Variants in SLC35F1 observed in about 807,000 individuals in gnomAD.
SLC35F1 encodes chromosome 6 open reading frame 169.
SLC35F1 carries 14 observed loss-of-function variants against 48.7 expected under a neutral mutation model. The ratio of observed to expected loss-of-function variants is 0.29; its 90% CI spans 0.19 to 0.45. The LOEUF is 0.45. SLC35F1 is among the 20% of genes least tolerant of loss of function. The pLI is 1.00. For synonymous variants in SLC35F1, 190 were observed against 202.2 expected (o/e 0.94, Z 0.51); for missense variants, 404 against 500.0 (o/e 0.81, Z 1.83).
chr6:118,001,238 G>C (rs1777089479), intron 1 of SLC35F1, among the ~76,000 whole-genome samples: 1 of 152,174 alleles, frequency 6.6e-6, no homozygotes, highest in Admixed American at 6.5e-5. Context: ...CATGGTACTT[G>C]TTTCAAAATA....
At chr6:118,283,512 G>T (rs958917685) in intron 6 of SLC35F1, among the ~76,000 whole-genome samples, 3 of 152,136 alleles carry the variant, frequency 2.0e-5, no homozygotes, top group African/African-American at 7.2e-5. Context: ...CACGCAAAAT[G>T]ATGGAAGGGT....
intron 1 of SLC35F1, among the ~76,000 whole-genome samples, chr6:118,084,514 C>T (rs949300757): frequency 2.0e-5 from 3 of 152,120 alleles, no homozygotes; most frequent in Non-Finnish European, 2.9e-5. Context: ...AATTTCAACA[C>T]ATTATTTGCC....
chr6:118,117,253 A>G (rs780047865), intron 1 of SLC35F1, among the ~76,000 whole-genome samples: 3 of 152,108 alleles, frequency 2.0e-5, no homozygotes, highest in Non-Finnish European at 4.4e-5. Context: ...CTGTACATGT[A>G]TTTTCTAAAG....
intron 6 of SLC35F1, among the ~76,000 whole-genome samples, chr6:118,280,595 T>C (rs528286804): frequency 2.0e-5 from 3 of 152,098 alleles, no homozygotes; most frequent in South Asian, 2.1e-4. Context: ...ACACCTTTCC[T>C]GGCCAGGTGC....
chr6:118,251,820 A>T (rs918351954), intron 3 of SLC35F1, among the ~76,000 whole-genome samples: 1 of 152,164 alleles, frequency 6.6e-6, no homozygotes, highest in African/African-American at 2.4e-5. Flanking sequence ...TATTATATAC[A>T]CTTTCCCATG....
intron 1 of SLC35F1, among the ~76,000 whole-genome samples, chr6:117,992,014 G>A (rs1562257645): frequency 6.6e-6 from 1 of 151,522 alleles, no homozygotes; most frequent in Non-Finnish European, 1.5e-5. Flanking sequence ...TTAATGTTAT[G>A]GCATATTTGA....
intron 1 of SLC35F1, among the ~76,000 whole-genome samples, chr6:118,006,293 G>A (rs1480080026): frequency 2.0e-5 from 3 of 152,044 alleles, no homozygotes; most frequent in South Asian, 2.1e-4. Flanking sequence ...ATGATAAGAA[G>A]GCTTTCTCCT....
At chr6:118,087,537 A>G (rs1773008954) in intron 1 of SLC35F1, among the ~76,000 whole-genome samples, 1 of 152,030 alleles carries the variant, frequency 6.6e-6, no homozygotes, top group Admixed American at 6.6e-5. Context: ...CCTTTTAGAG[A>G]AGAATTATCA....
At chr6:118,073,678 T>C (rs1772776429) in intron 1 of SLC35F1, among the ~76,000 whole-genome samples, 1 of 152,202 alleles carries the variant, frequency 6.6e-6, no homozygotes, top group African/African-American at 2.4e-5. Flanking sequence ...TGTAACATGA[T>C]TGAACAGATA....
chr6:118,297,740 AAATATATATATATAATATATATAT>A (rs1562354896), intron 7 of SLC35F1, among the ~76,000 whole-genome samples: 1 of 102,816 alleles, frequency 9.7e-6, no homozygotes, highest in Admixed American at 8.9e-5. Flanking sequence ...AAGTTCTGAG[AAATATATATATATAATATATATAT>A]AATATATATA....
In SLC35F1 at chr6:117,964,698, C is replaced by T. The variant is rs117049803; in HGVS notation, c.173+56799C>T. 2.7e-3 allele frequency among the ~76,000 whole-genome samples: 416 copies of T among 152,288 alleles called. 2 individuals are homozygous for T. Among genetic ancestry groups the T allele is most frequent in the Non-Finnish European group, 3.9e-3 (266 of 68,022 alleles). On this transcript the variant is annotated intron_variant, in intron 1 of 7. Transcript: ENST00000360388. Reference sequence around the variant, plus strand: ...CTTCTCTCTGGTGTGAAGATTTAGGCTCTGGCTTGATCAGCATCCTCCCAC... The same window carrying T: ...CTTCTCTCTGGTGTGAAGATTTAGGTTCTGGCTTGATCAGCATCCTCCCAC...
At chr6:118,008,107 AG>A (rs1243989005) in intron 1 of SLC35F1, among the ~76,000 whole-genome samples, 1 of 152,144 alleles carries the variant, frequency 6.6e-6, no homozygotes, top group Non-Finnish European at 1.5e-5. Context: ...CAGCTACAAC[AG>A]AGTCTTCTAT....
intron 7 of SLC35F1, among the ~76,000 whole-genome samples, chr6:118,287,892 A>G (rs948044413): frequency 6.6e-6 from 1 of 152,192 alleles, no homozygotes; most frequent in Non-Finnish European, 1.5e-5. Flanking sequence ...AGAGGAAACC[A>G]TGTAGTAACC....
chr6:117,934,287 C>A (rs1285492441), intron 1 of SLC35F1, among the ~76,000 whole-genome samples: 1 of 152,086 alleles, frequency 6.6e-6, no homozygotes, highest in Non-Finnish European at 1.5e-5. Context: ...GAAAGGATTT[C>A]TTACAGAAAA....
chr6:117,979,825 G>A (rs575468942), intron 1 of SLC35F1, among the ~76,000 whole-genome samples: 2 of 152,300 alleles, frequency 1.3e-5, no homozygotes, highest in Admixed American at 6.5e-5. Context: ...ATGGGATCCA[G>A]CTGATGATGT....
chr6:117,979,001 A>G (rs1776740830), intron 1 of SLC35F1, among the ~76,000 whole-genome samples: 1 of 152,114 alleles, frequency 6.6e-6, no homozygotes, highest in South Asian at 2.1e-4. Context: ...TGAACTCTCA[A>G]TCTGGTCCCT....
rs1406001699 is a variant in SLC35F1 at position 118,281,200 on chromosome 6, CTCTCTA to C, written c.847+3656_847+3661del. Among the ~76,000 whole-genome samples the C allele has an allele frequency of 2.4e-3, 285 of 119,980 alleles. 4 individuals carry two copies. Among genetic ancestry groups the C allele is most frequent in the African/African-American group, 8.2e-3 (263 of 32,192 alleles). The allele number at this position is 119,980 out of a possible 152,430, so 78.7% of individuals were successfully genotyped here. A position where few individuals can be genotyped will look rare whatever the true frequency, so the allele number is the denominator to read the frequency against. Reference sequence around the variant, plus strand: ...ACTCTCTCTCTCTCTCTCTCTCTCTCTCTCTATATATATATATATATAAAATATTAA... The same window carrying C: ...ACTCTCTCTCTCTCTCTCTCTCTCTCTATATATATATATATAAAATATTAA... On this transcript the variant is annotated intron_variant, in intron 6 of 7. Coordinates refer to ENST00000360388, the MANE Select transcript of SLC35F1 (RefSeq NM_001029858.4).
intron 1 of SLC35F1, among the ~76,000 whole-genome samples, chr6:117,932,481 C>A (rs1440181350): frequency 6.6e-6 from 1 of 151,936 alleles, no homozygotes. Flanking sequence ...ACATAGATGG[C>A]AAAAAAGAAC....
At chr6:118,055,885 C>T (rs1432497494) in intron 1 of SLC35F1, among the ~76,000 whole-genome samples, 1 of 152,174 alleles carries the variant, frequency 6.6e-6, no homozygotes, top group Non-Finnish European at 1.5e-5. Flanking sequence ...CCTCCTGCTC[C>T]CTGCTAGGAG....
Sources: gnomAD v4.1 joint callset for allele counts (sites outside exome capture counted in the v4.1 genomes callset) on GRCh38, gnomAD v4.1.1 for gene constraint, MANE v1.5 for transcripts, NCBI Gene and HGNC (gene_info 2026-07-23, HGNC 2026-07-21) for gene names.